BBS10: variants seen among roughly 807,000 people sequenced by gnomAD.
The protein encoded by BBS10 is BBSome complex assembly protein BBS10.
In BBS10, 13 loss-of-function variants were observed where a neutral mutation model predicts 12.7. The ratio of observed to expected loss-of-function variants is 1.03; its 90% confidence interval spans 0.67 to 1.63. BBS10 has a LOEUF of 1.63. Among genes scored for constraint, BBS10 ranks in the 40% most tolerant of loss-of-function variants. The pLI, the probability that BBS10 is intolerant of heterozygous loss-of-function variation, is 0.00. For synonymous variants in BBS10, 294 were observed against 304.8 expected, an observed-to-expected ratio of 0.96 and a Z score of 0.37; for missense variants, 858 against 858.0, an observed-to-expected ratio of 1.00 and a Z score of 0.00.
rs1267735335 is a variant in BBS10, at chr12:76,344,861, A to G, written c.*952T>C. On this transcript the variant is annotated 3_prime_UTR_variant, in exon 2 of 2. Transcript: ENST00000650064. ...GAAAACACTGTCCTTGTCCATGATAAGATGCATCATATTATTTACATTGAC... is the reference window on the plus strand; with the variant it reads ...GAAAACACTGTCCTTGTCCATGATAGGATGCATCATATTATTTACATTGAC... The G allele has an allele frequency of 1.3e-5, 2 of 152,178 alleles. No individual in the cohort carries two copies. The highest frequency in any genetic ancestry group is 2.9e-5 in the Non-Finnish European group (2 of 68,004). 9.4% of individuals were successfully genotyped at this position (152,178 alleles called of 1,614,324 possible). A position where few individuals can be genotyped will look rare whatever the true frequency, so the allele number is the denominator to read the frequency against.
At chr12:76,347,814 C>G in intron 1 of BBS10, 27 bp from the exon 2 acceptor site, 1 of 1,596,934 alleles carries the variant, frequency 6.3e-7, no homozygotes, top group Non-Finnish European at 8.5e-7. Flanking sequence ...TAAAGCAACT[C>G]ATTTTCAGAA....
In BBS10 at chr12:76,345,873, T is replaced by G; in HGVS notation, c.2112A>C (p.Val704=). The G allele has an allele frequency of 6.2e-7, 1 of 1,613,838 alleles. No individual in the cohort carries two copies. Residue 704 remains valine (V), a synonymous_variant, in exon 2 of 2, where the codon GTA becomes GTC. Coordinates refer to ENST00000650064, the MANE Select transcript of BBS10 (RefSeq NM_024685.4). Reference sequence around the variant, plus strand: ...TCTGAGGGTGTCTCTTAACAGTGATTACCATGTCAATGGTTAATATTTTTG... The same window carrying G: ...TCTGAGGGTGTCTCTTAACAGTGATGACCATGTCAATGGTTAATATTTTTG... ...CLTKILTIDM[V]ITVKRHPQKV...
At position 76,347,240 on chromosome 12, in the gene BBS10, G is replaced by A. The variant is rs1242888821; in HGVS notation, c.745C>T (p.Arg249Cys). 5 of 1,612,690 alleles carry A rather than the reference G, an allele frequency of 3.1e-6. No homozygotes were observed. The highest frequency in any genetic ancestry group is 2.2e-5 in the East Asian group (1 of 44,866). Residue 249 changes from arginine (R) to cysteine (C), a missense_variant, in exon 2 of 2, where the codon CGC becomes TGC. Arg to Cys is a radical substitution (Grantham distance 180). Coordinates refer to ENST00000650064, the MANE Select transcript of BBS10 (RefSeq NM_024685.4). ...LVLQKDFSVY[R>C]PADGDMRMVI... Reference sequence around the variant, plus strand: ...ATTCGCATGTCACCATCTGCTGGGCGGTACACAGAAAAATCTTTCTGAAGC... The same window carrying A: ...ATTCGCATGTCACCATCTGCTGGGCAGTACACAGAAAAATCTTTCTGAAGC...
Position 76,347,104 on chromosome 12 carries a change from G to A in BBS10, c.881C>T (p.Thr294Ile), listed in dbSNP as rs764108398. Residue 294 changes from threonine to isoleucine, a missense_variant, in exon 2 of 2, where the codon ACA (threonine) becomes ATA (isoleucine). By Grantham distance (89) the Thr-to-Ile change is moderately conservative (BLOSUM62 -1). Transcript: ENST00000650064. Reference protein sequence around the residue: ...QTSQFWIMEKTKAIMKHLHSQ... With the variant: ...QTSQFWIMEKIKAIMKHLHSQ... Reference sequence around the variant, plus strand: ...ATGTAGATGTTTCATTATTGCTTTTGTCTTTTCCATAATCCAAAATTGAGA... The same window carrying A: ...ATGTAGATGTTTCATTATTGCTTTTATCTTTTCCATAATCCAAAATTGAGA... 4 of 1,612,326 alleles carry A rather than the reference G, an allele frequency of 2.5e-6. No individual in the cohort carries two copies. The East Asian group carries it at 6.7e-5, about 27-fold the overall frequency.
intron 1 of BBS10, 114 bp from the exon 2 acceptor site, chr12:76,347,901 C>A: frequency 8.1e-7 from 1 of 1,238,172 alleles, no homozygotes. Context: ...TTGGATACAT[C>A]CTTAGTTTTT....
rs537219462 is a variant in BBS10, at chr12:76,346,735, G to A, written c.1250C>T (p.Ala417Val). The A allele has an allele frequency of 2.5e-6, 4 of 1,614,098 alleles. No individual in the cohort carries two copies. The highest frequency in any genetic ancestry group is 2.5e-6 in the Non-Finnish European group (3 of 1,179,970). Residue 417 changes from alanine to valine, a missense_variant, in exon 2 of 2, where the codon GCA (alanine) becomes GTA (valine). Coordinates refer to ENST00000650064, the MANE Select transcript of BBS10 (RefSeq NM_024685.4). ...IEQHEDALHG[A>V]LKMLRQLFKD... ...AAATAATTGCCGAAGCATTTTAAGT[G>A]CTCCATGTAAAGCATCCTCATGTTG...
chr12:76,347,930 T>C, intron 1 of BBS10, 143 bp from the exon 2 acceptor site: 1 of 1,079,754 alleles, frequency 9.3e-7, no homozygotes, highest in Non-Finnish European at 1.3e-6. Context: ...TGGAAAAAAC[T>C]CTGCTCTATT....
In BBS10 at chr12:76,345,953, A is replaced by G; in HGVS notation, c.2032T>C (p.Leu678=). Reference sequence around the variant, plus strand: ...TGGTATTTACCCATTACTGATTCCAAACCTGTCTGACTGCTTACCAAGGGT... The same window carrying G: ...TGGTATTTACCCATTACTGATTCCAGACCTGTCTGACTGCTTACCAAGGGT... The part of the protein sequence containing the change: ...NQPLVSSQTG[L]ESVMGKYQLL... Residue 678 remains leucine, a synonymous_variant, in exon 2 of 2, where the codon TTG becomes CTG. Transcript: ENST00000650064. 1 of 1,614,042 alleles carries G rather than the reference A, an allele frequency of 6.2e-7. No homozygotes were observed. The highest frequency in any genetic ancestry group is 8.5e-7 in the Non-Finnish European group (1 of 1,179,922).
In BBS10 at chr12:76,346,797, A is replaced by G. The variant is rs143903199; in HGVS notation, c.1188T>C (p.Ser396=). 11 of 1,614,078 alleles carry G rather than the reference A, an allele frequency of 6.8e-6. No homozygotes were observed. The African/African-American group carries it at 1.1e-4, about 16-fold the overall frequency. Residue 396 remains serine, a synonymous_variant, in exon 2 of 2, where the codon TCT becomes TCC. Coordinates refer to ENST00000650064, the MANE Select transcript of BBS10 (RefSeq NM_024685.4). ...LISTCAFIPH[S]IVLCGPVHGL... is the part of the protein sequence containing the mutation. The stretch of plus-strand genomic sequence containing the variant: ...CATGCACTGGTCCACAAAGAACTAT[A>G]GAGTGTGGTATAAATGCACATGTGC...
Position 76,346,013 on chromosome 12 carries a change from A to T in BBS10, c.1972T>A (p.Tyr658Asn). The change falls in exon 2 of 2, where the codon TAT becomes AAT. Residue 658 changes from tyrosine (Y) to asparagine (N), a missense_variant. Transcript: ENST00000650064. ...TGCAGTGCATGGACAGCTCTTATAT[A>T]TGTATGTGGAAAGCTGTACTTTCCT... ...KTGKYSFPHT[Y>N]IRAVHALQTN... The T allele has an allele frequency of 6.2e-7, 1 of 1,613,966 alleles. No individual in the cohort carries two copies. Among genetic ancestry groups the T allele is most frequent in the Non-Finnish European group, 8.5e-7 (1 of 1,179,910 alleles).
In BBS10 at chr12:76,346,594, G is replaced by A. The variant is rs759682922; in HGVS notation, c.1391C>T (p.Ser464Leu). Residue 464 changes from serine to leucine, a missense_variant, in exon 2 of 2, where the codon TCA (serine) becomes TTA (leucine). Physicochemically the swap from Ser to Leu is moderately radical, Grantham distance 145. Coordinates refer to ENST00000650064, the MANE Select transcript of BBS10 (RefSeq NM_024685.4). ...TGTGTCCTGATAAGGCCTTTGTATT[G>A]AGCCATTACCAGGATCTGGTGCTTG... is the stretch of plus-strand genomic sequence containing the variant. Reference protein sequence around the residue: ...SYQAPDPGNGSIQRPYQDTVA... With the variant: ...SYQAPDPGNGLIQRPYQDTVA... The A allele has an allele frequency of 1.2e-6, 2 of 1,614,042 alleles. No individual in the cohort carries two copies. Among genetic ancestry groups the A allele is most frequent in the Admixed American group, 1.7e-5 (1 of 60,018 alleles).
At position 76,348,158 on chromosome 12, in the gene BBS10, G is replaced by T. The variant is rs886049852; in HGVS notation, c.197+4C>A. The T allele has an allele frequency of 6.2e-7, 1 of 1,604,564 alleles. No individual in the cohort carries two copies. Among genetic ancestry groups the T allele is most frequent in the African/African-American group, 1.3e-5 (1 of 74,718 alleles). On this transcript the variant is annotated splice_donor_region_variant and intron_variant, in intron 1 of 1. Transcript: ENST00000650064. ...CTACGGGTTAGCGTGTGGGACGCGG[G>T]TACCTGGCTATGGGATGCTCTAAGT...
In BBS10 at chr12:76,345,288, C is replaced by T. The variant is rs1166479805; in HGVS notation, c.*525G>A. On this transcript the variant is annotated 3_prime_UTR_variant, in exon 2 of 2. Coordinates refer to ENST00000650064, the MANE Select transcript of BBS10 (RefSeq NM_024685.4). ...ATGCTTTTTGAAAAAAAATTTGAGC[C>T]TTTTACTCACTGCTAATTTAATTTT... The T allele has an allele frequency of 6.6e-6, 1 of 152,252 alleles. No individual in the cohort carries two copies. Among genetic ancestry groups the T allele is most frequent in the African/African-American group, 2.4e-5 (1 of 41,368 alleles). 9.4% of individuals were successfully genotyped at this position (152,252 alleles called of 1,614,324 possible). A position where few individuals can be genotyped will look rare whatever the true frequency, so the allele number is the denominator to read the frequency against.
In BBS10 at chr12:76,347,375, A is replaced by G. The variant is rs1592492542; in HGVS notation, c.610T>C (p.Cys204Arg). The G allele has an allele frequency of 1.2e-6, 2 of 1,614,086 alleles. No individual in the cohort carries two copies. The highest frequency in any genetic ancestry group is 1.7e-6 in the Non-Finnish European group (2 of 1,180,022). Residue 204 changes from cysteine to arginine, a missense_variant, in exon 2 of 2, where the codon TGT becomes CGT. By Grantham distance (180) the Cys-to-Arg change is radical (BLOSUM62 -3). Transcript: ENST00000650064. ...TCAAATACACCAATCCCACTTTTAC[A>G]AGTCATACACTTGAAAAAGTAGTCA... ...MCDYFFKCMT[C>R]KSGIGVFELV...
Position 76,346,755 on chromosome 12 carries a change from A to C in BBS10, c.1230T>G (p.His410Gln), listed in dbSNP as rs1447555059. Residue 410 changes from histidine (H) to glutamine (Q), a missense_variant, in exon 2 of 2, where the codon CAT (histidine) becomes CAG (glutamine). Physicochemically the swap from His to Gln is conservative, Grantham distance 24. Coordinates refer to ENST00000650064, the MANE Select transcript of BBS10 (RefSeq NM_024685.4). ...CGPVHGLIEQ[H>Q]EDALHGALKM... ...TAAGTGCTCCATGTAAAGCATCCTC[A>C]TGTTGTTCAATGAGACCATGCACTG... The C allele has an allele frequency of 1.4e-5, 23 of 1,614,012 alleles. No individual in the cohort carries two copies. Among genetic ancestry groups the C allele is most frequent in the Non-Finnish European group, 1.9e-5 (22 of 1,179,978 alleles).
In BBS10 at chr12:76,345,796, A is replaced by C; in HGVS notation, c.*17T>G. The C allele has an allele frequency of 6.2e-7, 1 of 1,608,932 alleles. No homozygotes were observed. The highest frequency in any genetic ancestry group is 1.7e-5 in the Admixed American group (1 of 59,892). ...TTGAGTTAGATGAAAAGTTTGGTTA[A>C]TTAAAAACTTCTGATGTTATAGTTC... On this transcript the variant is annotated 3_prime_UTR_variant, in exon 2 of 2. Transcript: ENST00000650064.
chr12:76,348,403 G>C lies in BBS10; in HGVS notation c.-45C>G. On this transcript the variant is annotated 5_prime_UTR_variant, in exon 1 of 2. Coordinates refer to ENST00000650064, the MANE Select transcript of BBS10 (RefSeq NM_024685.4). ...TTTGACCAGCTTGCAGAACACCCGGGCCGACCGAAAACAGGGGTGGGAACG... is the reference window on the plus strand; with the variant it reads ...TTTGACCAGCTTGCAGAACACCCGGCCCGACCGAAAACAGGGGTGGGAACG... 1 of 1,544,496 alleles carries C rather than the reference G, an allele frequency of 6.5e-7. No homozygotes were observed. Among genetic ancestry groups the C allele is most frequent in the Non-Finnish European group, 8.7e-7 (1 of 1,146,880 alleles).
At position 76,346,283 on chromosome 12, in the gene BBS10, T is replaced by C. The variant is rs534742665; in HGVS notation, c.1702A>G (p.Thr568Ala). Reference sequence around the variant, plus strand: ...ACTGGTAACATGCTTCCCTTTCTAGTAATATTTGTGACCTGTAAATTTTCG... The same window carrying C: ...ACTGGTAACATGCTTCCCTTTCTAGCAATATTTGTGACCTGTAAATTTTCG... The part of the protein sequence containing the change: ...SYENLQVTNI[T>A]RKGSMLPVSC... The change falls in exon 2 of 2, where the codon ACT becomes GCT. Residue 568 changes from threonine (T) to alanine (A), a missense_variant. Thr to Ala is a moderately conservative substitution (Grantham distance 58). Transcript: ENST00000650064. 3 of 1,613,516 alleles carry C rather than the reference T, an allele frequency of 1.9e-6. No homozygotes were observed. Among genetic ancestry groups the C allele is most frequent in the African/African-American group, 1.3e-5 (1 of 75,032 alleles).
At position 76,345,799 on chromosome 12, in the gene BBS10, A is replaced by G; in HGVS notation, c.*14T>C. ...AGTTAGATGAAAAGTTTGGTTAATT[A>G]AAAACTTCTGATGTTATAGTTCATC... On this transcript the variant is annotated 3_prime_UTR_variant, in exon 2 of 2. Coordinates refer to ENST00000650064, the MANE Select transcript of BBS10 (RefSeq NM_024685.4). The G allele has an allele frequency of 6.2e-7, 1 of 1,609,964 alleles. No individual in the cohort carries two copies. The highest frequency in any genetic ancestry group is 8.5e-7 in the Non-Finnish European group (1 of 1,177,608).
Sources: allele counts gnomAD v4.1 joint callset, GRCh38; gene constraint gnomAD v4.1.1; transcripts MANE v1.5; gene names NCBI Gene and HGNC (gene_info 2026-07-23, HGNC 2026-07-21).